Variants in PDILT observed in about 807,000 individuals in gnomAD.
The protein encoded by PDILT is protein disulfide-isomerase-like protein of the testis.
In PDILT, 43 loss-of-function variants were observed where a neutral mutation model predicts 53.7. That is an observed-to-expected ratio of 0.80 (90% confidence interval 0.63 to 1.03). PDILT has a LOEUF of 1.03. Among genes scored for constraint, PDILT ranks in the 50% least tolerant of loss-of-function variants. PDILT has a pLI of 0.00. For synonymous variants in PDILT, 282 were observed against 274.2 expected, an observed-to-expected ratio of 1.03 and a Z score of -0.28; for missense variants, 727 against 712.3, an observed-to-expected ratio of 1.02 and a Z score of -0.24.
chr16:20,393,152 C>T (rs922562209), intron 2 of PDILT, among the ~76,000 whole-genome samples: 3 of 152,216 alleles, frequency 2.0e-5, no homozygotes, highest in African/African-American at 7.2e-5. Context: ...GCAAGTTTCT[C>T]TGCTCCTCCC....
rs757492558 is a variant in PDILT at position 20,359,556 on chromosome 16, A to G, written c.1518T>C (p.Val506=). 6 of 1,613,926 alleles carry G rather than the reference A, an allele frequency of 3.7e-6. No individual in the cohort carries two copies. The highest frequency in any genetic ancestry group is 5.1e-6 in the Non-Finnish European group (6 of 1,179,848). ...KIEDEDELLS[V]EQNEVIEEEV... is the part of the protein sequence containing the mutation. ...CCTCTTCTATCACTTCATTTTGCTC[A>G]ACAGACAACAGCTATGAAAGCAAAG... The change falls in exon 12 of 12, where the codon GTT becomes GTC. Residue 506 remains valine, a synonymous_variant. Coordinates refer to ENST00000302451, the MANE Select transcript of PDILT (RefSeq NM_174924.2).
chr16:20,387,370 T>C (rs1358333750), intron 2 of PDILT, among the ~76,000 whole-genome samples: 1 of 152,144 alleles, frequency 6.6e-6, no homozygotes, highest in Non-Finnish European at 1.5e-5. Context: ...CATGTAGACA[T>C]CTAGCAGGAG....
At chr16:20,359,665 C>A in intron 11 of PDILT, 98 bp from the exon 12 acceptor site, 1 of 1,218,152 alleles carries the variant, frequency 8.2e-7, no homozygotes, top group Non-Finnish European at 1.2e-6. Flanking sequence ...TTGTAATAGT[C>A]AAGCCTACTT....
intron 2 of PDILT, among the ~76,000 whole-genome samples, chr16:20,387,800 T>C (rs900717529): frequency 1.2e-4 from 19 of 152,108 alleles, no homozygotes; most frequent in Admixed American, 6.6e-5. Flanking sequence ...TTTGTATTTT[T>C]AGTAGAGATG....
chr16:20,371,020 T>C (rs1324598641), intron 7 of PDILT, among the ~76,000 whole-genome samples: 1 of 152,256 alleles, frequency 6.6e-6, no homozygotes, highest in Non-Finnish European at 1.5e-5. Context: ...GTACCCATTC[T>C]TTTATTCCTG....
At chr16:20,386,807 C>T (rs1474623729) in intron 2 of PDILT, among the ~76,000 whole-genome samples, 1 of 152,228 alleles carries the variant, frequency 6.6e-6, no homozygotes, top group Non-Finnish European at 1.5e-5. Context: ...TGGATGTGGC[C>T]ATGCTGGGCT....
chr16:20,378,524 C>A (rs188814421), intron 3 of PDILT, among the ~76,000 whole-genome samples: 2 of 152,068 alleles, frequency 1.3e-5, no homozygotes, highest in African/African-American at 4.8e-5. Flanking sequence ...ACATGTGCCA[C>A]GGTGCTTTGC....
intron 2 of PDILT, among the ~76,000 whole-genome samples, chr16:20,395,199 G>C (rs958054096): frequency 1.3e-5 from 2 of 152,050 alleles, no homozygotes; most frequent in African/African-American, 4.8e-5. Flanking sequence ...ACCTCCTTTT[G>C]TTTTGCTTTC....
intron 2 of PDILT, among the ~76,000 whole-genome samples, chr16:20,390,303 C>G (rs535433668): frequency 1.3e-5 from 2 of 152,218 alleles, no homozygotes; most frequent in East Asian, 3.9e-4. Flanking sequence ...TTTCTTAGTC[C>G]TCTTCTCTTC....
chr16:20,403,774 G>A (rs183392545), intron 1 of PDILT, among the ~76,000 whole-genome samples: 56 of 151,664 alleles, frequency 3.7e-4, no homozygotes, highest in Middle Eastern at 6.8e-3. Flanking sequence ...TGACCTTATC[G>A]CCCTCCTCTC....
At chr16:20,377,144 C>T (rs1258025529) in intron 3 of PDILT, among the ~76,000 whole-genome samples, 2 of 152,046 alleles carry the variant, frequency 1.3e-5, no homozygotes, top group Non-Finnish European at 2.9e-5. Context: ...GAAAATTAGC[C>T]AGGCATGGTG....
At chr16:20,370,184 T>C (rs1966283706) in intron 7 of PDILT, among the ~76,000 whole-genome samples, 1 of 152,124 alleles carries the variant, frequency 6.6e-6, no homozygotes, top group Admixed American at 6.6e-5. Flanking sequence ...ATTCATGGAG[T>C]GTCTACTATG....
At chr16:20,364,630 T>G (rs1273026639) in intron 9 of PDILT, among the ~76,000 whole-genome samples, 1 of 152,202 alleles carries the variant, frequency 6.6e-6, no homozygotes, top group Non-Finnish European at 1.5e-5. Context: ...TGAAGGAACT[T>G]CAGTATCACC....
chr16:20,389,272 G>A, intron 2 of PDILT, among the ~76,000 whole-genome samples: 1 of 152,014 alleles, frequency 6.6e-6, no homozygotes, highest in East Asian at 1.9e-4. Context: ...TTGTGGCCCA[G>A]GAAAGTTGTT....
Position 20,359,203 on chromosome 16 carries a change from T to C in PDILT, c.*116A>G. The C allele has an allele frequency of 1.8e-6, 2 of 1,131,720 alleles. No individual in the cohort carries two copies. Among genetic ancestry groups the C allele is most frequent in the South Asian group, 1.5e-5 (1 of 67,922 alleles). The allele number at this position is 1,131,720 out of a possible 1,614,324, so 70.1% of individuals were successfully genotyped here. On this transcript the variant is annotated 3_prime_UTR_variant, in exon 12 of 12. Coordinates refer to ENST00000302451, the MANE Select transcript of PDILT (RefSeq NM_174924.2). ...ACTCAGAGGCTTTATTATCCACCCC[T>C]ACCCCCGCCCCACCTACCCTACCAC...
chr16:20,377,878 C>T (rs1215316240), intron 3 of PDILT, among the ~76,000 whole-genome samples: 2 of 151,980 alleles, frequency 1.3e-5, no homozygotes, highest in African/African-American at 4.8e-5. Flanking sequence ...CGCTTGAACC[C>T]AGGAGGTGGA....
chr16:20,367,859 C>G (rs746039821), intron 8 of PDILT, among the ~76,000 whole-genome samples: 1 of 152,038 alleles, frequency 6.6e-6, no homozygotes, highest in Non-Finnish European at 1.5e-5. Context: ...CAGTCACCCT[C>G]GTGGTGATGT....
At chr16:20,360,102 A>G (rs922664031) in intron 11 of PDILT, among the ~76,000 whole-genome samples, 16 of 152,222 alleles carry the variant, frequency 1.1e-4, no homozygotes, top group African/African-American at 3.9e-4. Flanking sequence ...TACCAGTTAT[A>G]TGGGATAAAT....
intron 9 of PDILT, 42 bp downstream of exon 9, chr16:20,365,378 T>G (rs1475641961): frequency 6.2e-7 from 1 of 1,605,104 alleles, no homozygotes; most frequent in East Asian, 2.2e-5. Flanking sequence ...GAAACATAAT[T>G]TTGGCACCCG....
Sources: allele counts gnomAD v4.1 joint callset (sites outside exome capture counted in the v4.1 genomes callset), GRCh38; gene constraint gnomAD v4.1.1; transcripts MANE v1.5; gene names NCBI Gene and HGNC (gene_info 2026-07-23, HGNC 2026-07-21).